Variants in CACNA1E observed in about 807,000 individuals in gnomAD.
CACNA1E encodes calcium voltage-gated channel subunit alpha1 E.
In CACNA1E, 40 loss-of-function variants were observed where a neutral mutation model predicts 259.2. That is an observed-to-expected ratio of 0.15 (90% CI 0.12 to 0.20). The LOEUF is 0.20. Ranked by LOEUF, CACNA1E falls within the 10% of genes least tolerant of loss-of-function variation. The pLI, the probability that CACNA1E is intolerant of heterozygous loss-of-function variation, is 1.00. For synonymous variants in CACNA1E, 1,104 were observed against 1,138.5 expected (o/e 0.97, Z 0.61); for missense variants, 1,874 against 3,040.1 (o/e 0.62, Z 9.02).
At chr1:181,347,413 TG>T (rs1331032563) in intron 1 of CACNA1E, among the ~76,000 whole-genome samples, 1 of 152,170 alleles carries the variant, frequency 6.6e-6, no homozygotes, top group Non-Finnish European at 1.5e-5. Context: ...CATCCCCAGA[TG>T]GTGGTTTGGT....
intron 7 of CACNA1E, among the ~76,000 whole-genome samples, chr1:181,709,302 C>A (rs187657771): frequency 5.3e-5 from 8 of 152,322 alleles, no homozygotes; most frequent in African/African-American, 1.9e-4. Flanking sequence ...TTGACTCTTT[C>A]CTTCCCTTCC....
In CACNA1E at chr1:181,798,169, C is replaced by A; in HGVS notation, c.6400-123C>A. On this transcript the variant is annotated intron_variant, in intron 47 of 47. Coordinates refer to ENST00000367573, the MANE Select transcript of CACNA1E (RefSeq NM_001205293.3). This position sits in a 1 kb window ranked among gnomAD's most constrained non-coding sequence, Gnocchi z 4.2. ...TTTCCCTGAGTGGATGTGAATACTA[C>A]AGGGAGCTCCAGCTCAGGCCTCTCC... is the stretch of plus-strand genomic sequence containing the variant. 2 of 751,040 alleles carry A rather than the reference C, an allele frequency of 2.7e-6. No homozygotes were observed. The highest frequency in any genetic ancestry group is 4.4e-6 in the Non-Finnish European group (2 of 450,494). 46.5% of individuals were successfully genotyped at this position (751,040 alleles called of 1,614,324 possible). A position where few individuals can be genotyped will look rare whatever the true frequency, so the allele number is the denominator to read the frequency against.
chr1:181,424,265 C>T (rs1004542613), intron 2 of CACNA1E, among the ~76,000 whole-genome samples: 4 of 152,202 alleles, frequency 2.6e-5, no homozygotes, highest in African/African-American at 9.7e-5. Context: ...AATTGGGCTT[C>T]CCTTAGGAAC....
intron 7 of CACNA1E, among the ~76,000 whole-genome samples, chr1:181,663,152 T>C (rs1572527112): frequency 6.6e-6 from 1 of 152,352 alleles, no homozygotes; most frequent in East Asian, 1.9e-4. Context: ...GGAATTGTTA[T>C]ATAATTTAAT....
At chr1:181,570,434 C>A (rs999525134) in intron 3 of CACNA1E, among the ~76,000 whole-genome samples, 1 of 152,232 alleles carries the variant, frequency 6.6e-6, no homozygotes, top group Non-Finnish European at 1.5e-5. Context: ...GAATCTCTGA[C>A]CTTTGCCAAG....
chr1:181,638,458 C>T (rs778490232), intron 6 of CACNA1E, among the ~76,000 whole-genome samples: 1 of 152,122 alleles, frequency 6.6e-6, no homozygotes, highest in Non-Finnish European at 1.5e-5. Context: ...CTAACCCAGG[C>T]AATACAATAT....
rs750763001 is a variant in CACNA1E at position 181,798,156 on chromosome 1, G to C, written c.6400-136G>C. ...TCTTCAATCCCTTTTTCCCTGAGTGGATGTGAATACTACAGGGAGCTCCAG... is the reference window on the plus strand; with the variant it reads ...TCTTCAATCCCTTTTTCCCTGAGTGCATGTGAATACTACAGGGAGCTCCAG... On this transcript the variant is annotated intron_variant, in intron 47 of 47. Coordinates refer to ENST00000367573, the MANE Select transcript of CACNA1E (RefSeq NM_001205293.3). This position sits in a 1 kb window ranked among gnomAD's most constrained non-coding sequence, Gnocchi z 4.2. 1 of 684,498 alleles carries C rather than the reference G, an allele frequency of 1.5e-6. No homozygotes were observed. Among genetic ancestry groups the C allele is most frequent in the Non-Finnish European group, 2.5e-6 (1 of 396,750 alleles). The allele number at this position is 684,498 out of a possible 1,614,324, so 42.4% of individuals were successfully genotyped here.
intron 2 of CACNA1E, among the ~76,000 whole-genome samples, chr1:181,433,309 T>C (rs924901649): frequency 6.6e-6 from 1 of 152,218 alleles, no homozygotes; most frequent in African/African-American, 2.4e-5. Context: ...TCCTGTGCTT[T>C]CCTGATTTGG....
chr1:181,738,326 G>C, intron 23 of CACNA1E, 41 bp from the exon 24 acceptor site: 1 of 1,561,872 alleles, frequency 6.4e-7, no homozygotes, highest in African/African-American at 1.4e-5. Flanking sequence ...TAGCCTGTTG[G>C]CCACACATGG....
intron 3 of CACNA1E, among the ~76,000 whole-genome samples, chr1:181,512,115 G>A (rs545693110): frequency 2.0e-5 from 3 of 152,370 alleles, no homozygotes; most frequent in African/African-American, 7.2e-5. Flanking sequence ...CAGTGTCACA[G>A]CAGCATATAT....
chr1:181,605,829 G>A (rs147901657), intron 6 of CACNA1E, among the ~76,000 whole-genome samples: 11 of 152,232 alleles, frequency 7.2e-5, no homozygotes, highest in South Asian at 4.2e-4. Flanking sequence ...GGCTTTACAT[G>A]GTAGGTATTT....
chr1:181,548,468 A>G (rs1351205311), intron 3 of CACNA1E, among the ~76,000 whole-genome samples: 1 of 152,108 alleles, frequency 6.6e-6, no homozygotes, highest in Non-Finnish European at 1.5e-5. Context: ...CTCATGTCAT[A>G]TGGATAATTA....
chr1:181,551,465 C>A (rs920670359), intron 3 of CACNA1E, among the ~76,000 whole-genome samples: 1 of 152,166 alleles, frequency 6.6e-6, no homozygotes, highest in African/African-American at 2.4e-5. Flanking sequence ...GTTTAGGATT[C>A]CAGAGGGTCA....
upstream of CACNA1E, among the ~76,000 whole-genome samples, chr1:181,479,123 C>A (rs891546592): frequency 1.3e-5 from 2 of 152,170 alleles, no homozygotes; most frequent in African/African-American, 2.4e-5. Flanking sequence ...CATTTGGTAA[C>A]CCCATCTTAA....
chr1:181,491,286 C>G (rs116828277), intron 1 of CACNA1E, among the ~76,000 whole-genome samples: 1,594 of 151,872 alleles, frequency 0.01, 24 homozygotes, highest in African/African-American at 0.037. Flanking sequence ...GCGGTCTGCC[C>G]GTTTCATCTA....
intron 1 of CACNA1E, among the ~76,000 whole-genome samples, chr1:181,412,979 C>T (rs753101604): frequency 1.3e-5 from 2 of 152,182 alleles, no homozygotes; most frequent in Admixed American, 6.5e-5. Flanking sequence ...GGGTCAGGCC[C>T]GGGATGTAGC....
chr1:181,583,299 A>G (rs1651738374), intron 6 of CACNA1E, among the ~76,000 whole-genome samples: 1 of 152,180 alleles, frequency 6.6e-6, no homozygotes, highest in East Asian at 1.9e-4. Context: ...AGATACAAAT[A>G]TAAATATAAC....
rs999367100 is a variant in CACNA1E, at chr1:181,798,113, G to A, written c.6400-179G>A. Among the ~76,000 whole-genome samples, 2 of 152,194 alleles carry A rather than the reference G, an allele frequency of 1.3e-5. No homozygotes were observed. Among genetic ancestry groups the A allele is most frequent in the South Asian group, 2.1e-4 (1 of 4,832 alleles). ...AAGTCTGAGATGTCCTGGTCTAAAT[G>A]TTCTTGACTCCTTAATCTCTTCAAT... On this transcript the variant is annotated intron_variant, in intron 47 of 47. Coordinates refer to ENST00000367573, the MANE Select transcript of CACNA1E (RefSeq NM_001205293.3). The surrounding 1 kb of genome is among the most constrained non-coding windows in gnomAD (Gnocchi z 4.2).
At chr1:181,530,130 A>C (rs1181118018) in intron 3 of CACNA1E, among the ~76,000 whole-genome samples, 1 of 152,204 alleles carries the variant, frequency 6.6e-6, no homozygotes, top group East Asian at 1.9e-4. Flanking sequence ...TGGTATTCTC[A>C]TGATAGTGAA....
Sources: gnomAD v4.1 joint callset for allele counts (sites outside exome capture counted in the v4.1 genomes callset) on GRCh38, gnomAD v4.1.1 for gene constraint, Gnocchi (gnomAD v3.1) non-coding constraint, MANE v1.5 for transcripts, NCBI Gene and HGNC (gene_info 2026-07-23, HGNC 2026-07-21) for gene names.